The following AKR1B15 variants were observed in gnomAD, a reference collection of about 807,000 sequenced individuals.
The protein encoded by AKR1B15 is estradiol 17-beta-dehydrogenase AKR1B15.
AKR1B15 carries 49 observed loss-of-function variants against 38.5 expected under a neutral mutation model. The ratio of observed to expected loss-of-function variants is 1.27; its 90% CI spans 1.01 to 1.62. The LOEUF (loss-of-function observed/expected upper bound fraction) is 1.62. AKR1B15 is among the 40% of genes most tolerant of loss of function. The pLI is 0.00. For missense variants in AKR1B15, 411 were observed against 381.6 expected (o/e 1.08, Z -0.64); for synonymous variants, 137 against 135.5 (o/e 1.01, Z -0.08).
intron 2 of AKR1B15, among the ~76,000 whole-genome samples, chr7:134,561,762 TCACAGCATGG>T (rs139420299): frequency 0.017 from 2,618 of 152,216 alleles, 76 homozygotes; most frequent in African/African-American, 0.06. Flanking sequence ...TCATGGCATG[TCACAGCATGG>T]CACAGGCCTA....
At chr7:134,560,151 C>T (rs535494637) in intron 2 of AKR1B15, among the ~76,000 whole-genome samples, 5 of 152,132 alleles carry the variant, frequency 3.3e-5, no homozygotes, top group Non-Finnish European at 7.4e-5. Flanking sequence ...GTAACAAATC[C>T]CCTCAAGAGG....
At chr7:134,563,904 C>T (rs187347271) in intron 2 of AKR1B15, among the ~76,000 whole-genome samples, 202 of 152,268 alleles carry the variant, frequency 1.3e-3, no homozygotes, top group African/African-American at 4.7e-3. Flanking sequence ...AAAATGAAAA[C>T]GACAAACTCA....
At chr7:134,567,454 G>A (rs1481756089) in intron 3 of AKR1B15, among the ~76,000 whole-genome samples, 1 of 151,984 alleles carries the variant, frequency 6.6e-6, no homozygotes, top group Non-Finnish European at 1.5e-5. Flanking sequence ...ATTGTATAAT[G>A]GACGGCCTGT....
At chr7:134,577,365 A>C (rs754102184) in intron 10 of AKR1B15, among the ~76,000 whole-genome samples, 11 of 152,286 alleles carry the variant, frequency 7.2e-5, no homozygotes, top group South Asian at 2.1e-4. Flanking sequence ...GTCCTGGCCT[A>C]CCTGCTCACC....
intron 2 of AKR1B15, among the ~76,000 whole-genome samples, chr7:134,559,461 G>C (rs1423486402): frequency 6.6e-6 from 1 of 152,162 alleles, no homozygotes; most frequent in Non-Finnish European, 1.5e-5. Context: ...CCATGACACT[G>C]TAACCCCTTG....
chr7:134,560,419 C>T (rs375722960), intron 2 of AKR1B15, among the ~76,000 whole-genome samples: 6 of 152,282 alleles, frequency 3.9e-5, no homozygotes, highest in South Asian at 2.1e-4. Context: ...GTTCTGAGAT[C>T]GGCTTATCAG....
intron 3 of AKR1B15, among the ~76,000 whole-genome samples, chr7:134,566,876 C>A (rs1211857302): frequency 2.0e-5 from 3 of 152,180 alleles, no homozygotes; most frequent in African/African-American, 7.2e-5. Context: ...AGATTTGCCC[C>A]AAATCAGAGC....
At chr7:134,577,390 G>A (rs999000403) in intron 10 of AKR1B15, among the ~76,000 whole-genome samples, 13 of 152,188 alleles carry the variant, frequency 8.5e-5, no homozygotes, top group Non-Finnish European at 1.6e-4. Context: ...AGCAGCAGAG[G>A]AGGTGTGAAC....
At chr7:134,562,832 C>CCCTT (rs1554402359) in intron 2 of AKR1B15, among the ~76,000 whole-genome samples, 3 of 122,600 alleles carry the variant, frequency 2.4e-5, no homozygotes, top group African/African-American at 6.4e-5. Flanking sequence ...TCCTTCCTTT[C>CCCTT]TCTTTCTTTC....
At chr7:134,559,961 A>G (rs1384765792) in intron 2 of AKR1B15, among the ~76,000 whole-genome samples, 1 of 152,098 alleles carries the variant, frequency 6.6e-6, no homozygotes, top group Non-Finnish European at 1.5e-5. Flanking sequence ...CACAATAATT[A>G]GCTGGGTGTG....
chr7:134,558,734 C>T (rs1794288396), intron 2 of AKR1B15, among the ~76,000 whole-genome samples: 1 of 152,218 alleles, frequency 6.6e-6, no homozygotes, highest in African/African-American at 2.4e-5. Context: ...ACTTACACTC[C>T]ATTGCTGACA....
In AKR1B15 at chr7:134,559,239, T is replaced by C. The variant is rs1433229620; in HGVS notation, c.-23+2380T>C. Among the ~76,000 whole-genome samples the C allele has an allele frequency of 2.6e-5, 4 of 152,306 alleles. No individual in the cohort carries two copies. In the East Asian group the frequency reaches 5.8e-4, roughly 22 times the overall value. On this transcript the variant is annotated intron_variant, in intron 2 of 11. Coordinates refer to ENST00000457545, the MANE Select transcript of AKR1B15 (RefSeq NM_001080538.3). ...GGAGATGAGCAAGGTCAAAAGAAGC[T>C]AGCCCATGTTGATAAGTGTCTATGT... is the stretch of plus-strand genomic sequence containing the variant.
At chr7:134,575,731 T>C in intron 7 of AKR1B15, 90 bp from the exon 8 acceptor site, 1 of 1,592,786 alleles carries the variant, frequency 6.3e-7, no homozygotes, top group Non-Finnish European at 8.6e-7. Context: ...TGGCCTTTGC[T>C]TGGTGGACTT....
rs374058456 is a variant in AKR1B15, at chr7:134,565,504, T to G, written c.150+735T>G. 9.1e-4 allele frequency: 1,472 copies of G among 1,613,810 alleles called. 25 individuals are homozygous for G. The South Asian group carries it at 0.015, about 16-fold the overall frequency. On this transcript the variant is annotated intron_variant, in intron 3 of 11. Transcript: ENST00000457545. ...CCATGGCCACGTTTGTGGAGCTCAG[T>G]ACAAAAGCCAAGATGCCCATTGTGG...
intron 1 of AKR1B15, 140 bp downstream of exon 1, chr7:134,549,389 T>TCTCTCTCTATCTCTTCTCC (rs1173318452): frequency 1.3e-5 from 2 of 152,250 alleles, no homozygotes; most frequent in Non-Finnish European, 2.9e-5. Flanking sequence ...CTAGTCTCTC[T>TCTCTCTCTATCTCTTCTCC]CTCTCTCTAT....
chr7:134,562,953 G>T (rs10231997), intron 2 of AKR1B15, among the ~76,000 whole-genome samples: 3 of 126,862 alleles, frequency 2.4e-5, no homozygotes, highest in African/African-American at 6.0e-5. Context: ...CTCTCTTTCT[G>T]TCTTTTTCTG....
At chr7:134,564,791 C>T (rs1375454962) in intron 3 of AKR1B15, 22 bp downstream of exon 3, 3 of 641,894 alleles carry the variant, frequency 4.7e-6, no homozygotes, top group African/African-American at 1.8e-5. Flanking sequence ...GAGAGGTCAT[C>T]ACCCAATTCC....
intron 6 of AKR1B15, among the ~76,000 whole-genome samples, chr7:134,574,979 A>G (rs562002069): frequency 5.9e-5 from 9 of 152,274 alleles, no homozygotes; most frequent in African/African-American, 2.2e-4. Flanking sequence ...CCTGACTAAC[A>G]CAGCTTGCCC....
At chr7:134,555,789 T>C (rs1419837533) in intron 1 of AKR1B15, among the ~76,000 whole-genome samples, 1 of 152,158 alleles carries the variant, frequency 6.6e-6, no homozygotes, top group Non-Finnish European at 1.5e-5. Flanking sequence ...GATGTGGAAG[T>C]TCTAAGGGTG....
Sources: allele counts gnomAD v4.1 joint callset (sites outside exome capture counted in the v4.1 genomes callset), GRCh38; gene constraint gnomAD v4.1.1; transcripts MANE v1.5; gene names NCBI Gene and HGNC (gene_info 2026-07-23, HGNC 2026-07-21).